UBE2U: variants seen among roughly 807,000 people sequenced by gnomAD.
The protein encoded by UBE2U is ubiquitin-conjugating enzyme E2 U.
A neutral mutation model predicts 41.2 loss-of-function variants in UBE2U; 39 were observed. That is an observed-to-expected ratio of 0.95 (90% CI 0.73 to 1.24). The LOEUF (loss-of-function observed/expected upper bound fraction) is 1.24, where lower values mean the gene tolerates loss of function less well. UBE2U is among the 50% of genes most tolerant of loss of function. The pLI is 0.00. For synonymous variants in UBE2U, 107 were observed against 117.8 expected, an observed-to-expected ratio of 0.91 and a Z score of 0.60; for missense variants, 336 against 363.1, an observed-to-expected ratio of 0.93 and a Z score of 0.61.
intron 8 of UBE2U, among the ~76,000 whole-genome samples, chr1:64,242,191 G>A (rs1644846672): frequency 6.6e-6 from 1 of 152,028 alleles, no homozygotes; most frequent in Non-Finnish European, 1.5e-5. Flanking sequence ...TAATGAAGAA[G>A]GATATAGTAA....
intron 7 of UBE2U, among the ~76,000 whole-genome samples, chr1:64,233,233 T>C (rs1644604267): frequency 6.6e-6 from 1 of 152,016 alleles, no homozygotes; most frequent in South Asian, 2.1e-4. Flanking sequence ...GGTCTTGATC[T>C]CCTGACCTCG....
chr1:64,237,519 C>T (rs1216536258), intron 7 of UBE2U, among the ~76,000 whole-genome samples: 2 of 152,192 alleles, frequency 1.3e-5, no homozygotes, highest in Non-Finnish European at 2.9e-5. Flanking sequence ...TTCTCTCTGT[C>T]TCTCTCCTGT....
At chr1:64,239,175 G>GAAGAAGAAGAAGAA (rs1644781615) in intron 7 of UBE2U, among the ~76,000 whole-genome samples, 4 of 95,446 alleles carry the variant, frequency 4.2e-5, no homozygotes, top group African/African-American at 1.9e-4. Context: ...AGAAGAAGAA[G>GAAGAAGAAGAAGAA]AAGAAGAAGA....
At chr1:64,239,153 GAAGA>G (rs1485765520) in intron 7 of UBE2U, among the ~76,000 whole-genome samples, 381 of 27,676 alleles carry the variant, frequency 0.014, 3 homozygotes, top group Middle Eastern at 0.019. Flanking sequence ...AGAAGAAGAA[GAAGA>G]AAGAAGAAGA....
intron 5 of UBE2U, among the ~76,000 whole-genome samples, chr1:64,218,144 A>G (rs1204115242): frequency 6.6e-6 from 1 of 152,164 alleles, no homozygotes; most frequent in Non-Finnish European, 1.5e-5. Context: ...AATTTAGTCC[A>G]GTAGCATTGC....
chr1:64,239,157 A>AAGAAGAAGAAGAGGAAGAAGAAGAAG, intron 7 of UBE2U, among the ~76,000 whole-genome samples: 1 of 37,064 alleles, frequency 2.7e-5, no homozygotes, highest in East Asian at 1.0e-3. Context: ...GAAGAAGAAG[A>AAGAAGAAGAAGAGGAAGAAGAAGAAG]AAGAAGAAGA....
intron 6 of UBE2U, among the ~76,000 whole-genome samples, chr1:64,225,087 T>C (rs1467946224): frequency 6.6e-6 from 1 of 152,172 alleles, no homozygotes. Context: ...ATGCTAGTAA[T>C]AATGGTACTG....
intron 6 of UBE2U, among the ~76,000 whole-genome samples, 186 bp from the exon 7 acceptor site, chr1:64,232,375 T>G (rs550483183): frequency 3.8e-4 from 58 of 152,330 alleles, no homozygotes; most frequent in South Asian, 3.5e-3. Context: ...TCTTTTTCGT[T>G]ATTTGTATTC....
chr1:64,250,623 G>T (rs12727945), intron 8 of UBE2U, among the ~76,000 whole-genome samples: 25,305 of 151,754 alleles, frequency 0.17, 2,419 homozygotes, highest in East Asian at 0.42. Flanking sequence ...CATATGTTTA[G>T]TGTGGCACTA....
At position 64,239,132 on chromosome 1, in the gene UBE2U, GAAGAAGAAGAAGAAGAAGAAGA is replaced by G. The variant is rs1644756227; in HGVS notation, c.596-2518_596-2497del. Among the ~76,000 whole-genome samples the G allele has an allele frequency of 2.5e-4, 7 of 27,688 alleles. No individual in the cohort carries two copies. The South Asian group carries it at 9.5e-3, about 37-fold the overall frequency. The allele number at this position is 27,688 out of a possible 152,430, so 18.2% of individuals were successfully genotyped here. ...AGAAGAAGAAGAAGAAGAAGAAGAA[GAAGAAGAAGAAGAAGAAGAAGA>G]AGAAAGAAGAAGAAGAAGAAGAAGA... is the stretch of plus-strand genomic sequence containing the variant. On this transcript the variant is annotated intron_variant, in intron 7 of 9. Coordinates refer to ENST00000371077, the MANE Select transcript of UBE2U (RefSeq NM_001366232.2).
chr1:64,242,204 T>TA (rs1023461690), intron 8 of UBE2U, among the ~76,000 whole-genome samples: 1 of 152,168 alleles, frequency 6.6e-6, no homozygotes, highest in Non-Finnish European at 1.5e-5. Flanking sequence ...TATAGTAAAA[T>TA]ACAAACATAA....
intron 6 of UBE2U, 44 bp from the exon 7 acceptor site, chr1:64,232,517 A>G (rs1644585937): frequency 6.7e-7 from 1 of 1,490,290 alleles, no homozygotes; most frequent in Non-Finnish European, 9.3e-7. Flanking sequence ...TTAAAAAGAA[A>G]ATTTACAAAC....
At chr1:64,220,646 A>T (rs142029761) in intron 5 of UBE2U, among the ~76,000 whole-genome samples, 1 of 151,364 alleles carries the variant, frequency 6.6e-6, no homozygotes, top group East Asian at 1.9e-4. Context: ...TTTTTTTTTC[A>T]AATTTCTATG....
chr1:64,216,263 T>C (rs1652005498), intron 5 of UBE2U, among the ~76,000 whole-genome samples: 1 of 152,212 alleles, frequency 6.6e-6, no homozygotes, highest in African/African-American at 2.4e-5. Flanking sequence ...GAAGCAGTAA[T>C]AGAAAATTCC....
intron 6 of UBE2U, among the ~76,000 whole-genome samples, chr1:64,223,746 G>T (rs775051025): frequency 1.5e-4 from 23 of 152,082 alleles, no homozygotes; most frequent in Non-Finnish European, 2.8e-4. Flanking sequence ...ATTGGGAGAC[G>T]AACATATAAA....
chr1:64,246,761 G>A (rs1644928168), intron 8 of UBE2U, among the ~76,000 whole-genome samples: 1 of 152,158 alleles, frequency 6.6e-6, no homozygotes, highest in Non-Finnish European at 1.5e-5. Flanking sequence ...CCTTTTGATA[G>A]TCAACCATTC....
chr1:64,244,981 T>A (rs1275812536), intron 8 of UBE2U, among the ~76,000 whole-genome samples: 1 of 152,212 alleles, frequency 6.6e-6, no homozygotes, highest in African/African-American at 2.4e-5. Context: ...TTCATTCTAA[T>A]GTAAAGATTT....
intron 7 of UBE2U, among the ~76,000 whole-genome samples, chr1:64,239,417 C>T (rs188161195): frequency 2.6e-5 from 4 of 151,850 alleles, no homozygotes; most frequent in East Asian, 1.9e-4. Context: ...ATGTGCACAA[C>T]GTGCAGGTTT....
At chr1:64,258,911 T>C (rs1279088007) in intron 8 of UBE2U, among the ~76,000 whole-genome samples, 1 of 152,236 alleles carries the variant, frequency 6.6e-6, no homozygotes, top group Non-Finnish European at 1.5e-5. Context: ...TCTTCCACAA[T>C]GGTTGAACTA....
Sources: gnomAD v4.1 joint callset for allele counts (sites outside exome capture counted in the v4.1 genomes callset) on GRCh38, gnomAD v4.1.1 for gene constraint, MANE v1.5 for transcripts, NCBI Gene and HGNC (gene_info 2026-07-23, HGNC 2026-07-21) for gene names.